The following BLK variants were observed in gnomAD, a reference collection of about 807,000 sequenced individuals.
BLK encodes tyrosine-protein kinase Blk.
In BLK, 64 loss-of-function variants were observed where a neutral mutation model predicts 61.8. That is an observed-to-expected ratio of 1.03 (90% CI 0.85 to 1.27). The LOEUF (loss-of-function observed/expected upper bound fraction) is 1.27, where lower values mean the gene tolerates loss of function less well. BLK is among the 50% of genes most tolerant of loss of function. BLK has a pLI of 0.00. For missense variants in BLK, 853 were observed against 660.5 expected (o/e 1.29, Z -3.19); for synonymous variants, 351 against 272.0 (o/e 1.29, Z -2.86).
Position 11,529,526 on chromosome 8 carries a change from G to A in BLK, c.-1-13698G>A, listed in dbSNP as rs189528844. Among the ~76,000 whole-genome samples the A allele has an allele frequency of 1.6e-4, 25 of 152,230 alleles. No homozygotes were observed. The East Asian group carries it at 2.9e-3, about 18-fold the overall frequency. On this transcript the variant is annotated intron_variant, in intron 1 of 12. Transcript: ENST00000259089. Reference sequence around the variant, plus strand: ...GCCAGGTCTGCAAAATATCTCAAGCGCTGATCTTAGGAGCAGTTTGGGGGG... The same window carrying A: ...GCCAGGTCTGCAAAATATCTCAAGCACTGATCTTAGGAGCAGTTTGGGGGG...
intron 2 of BLK, among the ~76,000 whole-genome samples, chr8:11,544,216 T>C (rs1264797486): frequency 6.6e-6 from 1 of 152,160 alleles, no homozygotes; most frequent in South Asian, 2.1e-4. Flanking sequence ...CCACCTGCCT[T>C]GGCCTCCCAA....
intron 1 of BLK, among the ~76,000 whole-genome samples, chr8:11,516,121 T>C (rs1799214028): frequency 6.6e-6 from 1 of 152,228 alleles, no homozygotes. Context: ...GCTACATGGA[T>C]GAACCACGAA....
chr8:11,496,993 G>C (rs1202396292), intron 1 of BLK, among the ~76,000 whole-genome samples: 1 of 152,074 alleles, frequency 6.6e-6, no homozygotes, highest in Non-Finnish European at 1.5e-5. Flanking sequence ...TGGCTTGCAG[G>C]GTTCACGTGT....
At chr8:11,529,608 A>G (rs1312291017) in intron 1 of BLK, among the ~76,000 whole-genome samples, 1 of 152,124 alleles carries the variant, frequency 6.6e-6, no homozygotes, top group East Asian at 1.9e-4. Context: ...ATAATTTCTA[A>G]TCCTGTGGCT....
chr8:11,514,218 C>G (rs764917276), intron 1 of BLK, among the ~76,000 whole-genome samples: 2 of 152,192 alleles, frequency 1.3e-5, no homozygotes, highest in Non-Finnish European at 2.9e-5. Flanking sequence ...CTGAGTCTAA[C>G]GGTTGCTCCA....
intron 1 of BLK, among the ~76,000 whole-genome samples, chr8:11,541,047 C>G (rs1800355794): frequency 6.6e-6 from 1 of 152,174 alleles, no homozygotes; most frequent in African/African-American, 2.4e-5. Flanking sequence ...GGGCAGGTCA[C>G]TTGAGCTCTG....
At chr8:11,535,446 A>G (rs1473069881) in intron 1 of BLK, among the ~76,000 whole-genome samples, 1 of 152,206 alleles carries the variant, frequency 6.6e-6, no homozygotes, top group Non-Finnish European at 1.5e-5. Flanking sequence ...TGTTTTCTGA[A>G]CGTGTTTTCT....
At chr8:11,521,225 T>C (rs1271263749) in intron 1 of BLK, among the ~76,000 whole-genome samples, 1 of 152,214 alleles carries the variant, frequency 6.6e-6, no homozygotes, top group Non-Finnish European at 1.5e-5. Context: ...CATTAAATAA[T>C]TATCTATACC....
At chr8:11,504,507 G>T (rs1002982338) in intron 1 of BLK, among the ~76,000 whole-genome samples, 3 of 152,228 alleles carry the variant, frequency 2.0e-5, no homozygotes, top group Non-Finnish European at 2.9e-5. Context: ...CCCTTCAGAA[G>T]GGGGAGAAGT....
In BLK at chr8:11,555,385, C is replaced by G; in HGVS notation, c.673C>G (p.Pro225Ala). Residue 225 changes from proline (P) to alanine (A), a missense_variant, in exon 8 of 13, where the codon CCG becomes GCG. By Grantham distance (27) the Pro-to-Ala change is conservative. Coordinates refer to ENST00000259089, the MANE Select transcript of BLK (RefSeq NM_001715.3). The stretch of plus-strand genomic sequence containing the variant: ...GACCCTGCCCTGTGTGCGCCCGGCC[C>G]CGCAGAATCCCTGGGCCCAGGATGA... ...RLTLPCVRPA[P>A]QNPWAQDEWE... The G allele has an allele frequency of 6.2e-7, 1 of 1,614,168 alleles. No individual in the cohort carries two copies. Among genetic ancestry groups the G allele is most frequent in the South Asian group, 1.1e-5 (1 of 91,076 alleles).
intron 1 of BLK, among the ~76,000 whole-genome samples, chr8:11,518,602 G>A (rs79193570): frequency 2.0e-5 from 3 of 152,000 alleles, no homozygotes; most frequent in Admixed American, 6.6e-5. Flanking sequence ...GATCTCCTGC[G>A]GTGGCCTCCC....
intron 2 of BLK, 34 bp from the exon 3 acceptor site, chr8:11,546,018 C>A (rs1800620121): frequency 1.8e-5 from 29 of 1,611,752 alleles, no homozygotes; most frequent in Non-Finnish European, 2.5e-5. Flanking sequence ...GCAGCAGGGA[C>A]TGAAATAACT....
At chr8:11,509,019 G>T (rs1334401840) in intron 1 of BLK, 1 of 152,228 alleles carries the variant, frequency 6.6e-6, no homozygotes, top group African/African-American at 2.4e-5. Context: ...GGAGCAAGCA[G>T]GCCATGAGCT....
chr8:11,559,416 GACTCAC>G, intron 10 of BLK, among the ~76,000 whole-genome samples: 1 of 148,028 alleles, frequency 6.8e-6, no homozygotes. Flanking sequence ...CAGACACACA[GACTCAC>G]ACACACAAAC....
chr8:11,513,489 G>A (rs151257836), intron 1 of BLK, among the ~76,000 whole-genome samples: 2 of 152,328 alleles, frequency 1.3e-5, no homozygotes, highest in Non-Finnish European at 2.9e-5. Flanking sequence ...CTGCAGCTGT[G>A]AGCAGAGCCC....
intron 1 of BLK, among the ~76,000 whole-genome samples, chr8:11,510,987 G>A (rs184133755): frequency 9.1e-4 from 138 of 152,276 alleles, no homozygotes; most frequent in Middle Eastern, 6.8e-3. Context: ...ATCCCCGTAA[G>A]CTTTGCATTT....
At chr8:11,512,809 G>A (rs1055072922) in intron 1 of BLK, among the ~76,000 whole-genome samples, 4 of 152,202 alleles carry the variant, frequency 2.6e-5, no homozygotes, top group East Asian at 3.9e-4. Flanking sequence ...GACTACAGGC[G>A]CCACCCACCA....
rs377087703 is a variant in BLK, at chr8:11,499,880, C to A, written c.-2+5289C>A. On this transcript the variant is annotated intron_variant, in intron 1 of 12. Coordinates refer to ENST00000259089, the MANE Select transcript of BLK (RefSeq NM_001715.3). ...ACATTTTTTTTTCTGCCCTAACTTA[C>A]CCTTTGGTCTAATTTCTTTATCTGT... Among the ~76,000 whole-genome samples the A allele has an allele frequency of 3.2e-4, 48 of 152,074 alleles. 1 individual carries two copies. The highest frequency in any genetic ancestry group is 1.7e-3 in the East Asian group (9 of 5,186).
intron 1 of BLK, among the ~76,000 whole-genome samples, chr8:11,510,679 T>C (rs1237446693): frequency 6.6e-6 from 1 of 152,126 alleles, no homozygotes; most frequent in Non-Finnish European, 1.5e-5. Context: ...CGAAAGATCT[T>C]TGCCTACATA....
Sources: gnomAD v4.1 joint callset for allele counts (sites outside exome capture counted in the v4.1 genomes callset) on GRCh38, gnomAD v4.1.1 for gene constraint, MANE v1.5 for transcripts, NCBI Gene and HGNC (gene_info 2026-07-23, HGNC 2026-07-21) for gene names.